Variants in ELMO1 observed in about 807,000 individuals in gnomAD.
ELMO1 encodes the protein engulfment and cell motility 1.
Under a neutral mutation model 98.9 loss-of-function variants are expected in ELMO1, and 26 were observed. The observed-to-expected ratio is 0.26, with a 90% CI of 0.19 to 0.36. ELMO1 has a LOEUF of 0.36. ELMO1 is among the 10% of genes least tolerant of loss of function. ELMO1 has a pLI of 1.00. For missense variants in ELMO1, 627 were observed against 935.2 expected (o/e 0.67, Z 4.30); for synonymous variants, 346 against 346.0 (o/e 1.00, Z 0.00).
intron 13 of ELMO1, among the ~76,000 whole-genome samples, chr7:37,148,436 T>TA (rs1401349322): frequency 2.0e-5 from 3 of 152,208 alleles, no homozygotes; most frequent in African/African-American, 7.2e-5. Context: ...GCCAGGTATG[T>TA]AATTCATGAA....
chr7:37,064,230 A>G (rs966901404), intron 15 of ELMO1, among the ~76,000 whole-genome samples: 3 of 151,986 alleles, frequency 2.0e-5, no homozygotes, highest in Admixed American at 6.6e-5. Flanking sequence ...CATTTCATAA[A>G]TTTTCTACTG....
chr7:36,957,478 T>A (rs1788564587), intron 16 of ELMO1, among the ~76,000 whole-genome samples: 1 of 152,184 alleles, frequency 6.6e-6, no homozygotes, highest in Non-Finnish European at 1.5e-5. Context: ...TACCCTTCCC[T>A]CTCTTTATCA....
At chr7:37,297,975 T>A (rs1439666015) in intron 4 of ELMO1, among the ~76,000 whole-genome samples, 1 of 152,200 alleles carries the variant, frequency 6.6e-6, no homozygotes, top group Non-Finnish European at 1.5e-5. Context: ...GCCATTGGTT[T>A]TCTCTAAGTA....
At chr7:37,240,863 AT>A in intron 7 of ELMO1, among the ~76,000 whole-genome samples, 1 of 152,160 alleles carries the variant, frequency 6.6e-6, no homozygotes, top group African/African-American at 2.4e-5. Flanking sequence ...TCATTTGAAA[AT>A]TCTTGAGCCT....
At chr7:37,133,031 T>G in intron 14 of ELMO1, 99 bp downstream of exon 14, 1 of 726,838 alleles carries the variant, frequency 1.4e-6, no homozygotes, top group African/African-American at 1.8e-5. Context: ...ACAGAAAATA[T>G]GGGGTCACTC....
chr7:37,035,846 C>A (rs1212382373), intron 15 of ELMO1, among the ~76,000 whole-genome samples: 3 of 152,220 alleles, frequency 2.0e-5, no homozygotes, highest in Admixed American at 1.3e-4. Flanking sequence ...TAAGCAGATA[C>A]TTGCAACATT....
chr7:37,293,715 TAA>T (rs35978411), intron 4 of ELMO1, among the ~76,000 whole-genome samples: 3 of 65,590 alleles, frequency 4.6e-5, no homozygotes, highest in South Asian at 4.4e-4. Context: ...GAATGATCAA[TAA>T]AAAAAAAAAT....
chr7:37,013,240 T>A (rs950711797), intron 16 of ELMO1, 59 bp downstream of exon 16: 8 of 1,595,800 alleles, frequency 5.0e-6, no homozygotes, highest in Non-Finnish European at 6.9e-6. Flanking sequence ...CAAGGGACCA[T>A]GCAGCAGGCC....
intron 16 of ELMO1, among the ~76,000 whole-genome samples, chr7:36,993,146 A>C (rs1791982779): frequency 1.3e-5 from 2 of 152,122 alleles, no homozygotes; most frequent in African/African-American, 4.8e-5. Flanking sequence ...CATGTTCTGA[A>C]GGGGGTGGAC....
chr7:37,012,159 T>A (rs560518562), intron 16 of ELMO1, among the ~76,000 whole-genome samples: 1 of 152,314 alleles, frequency 6.6e-6, no homozygotes, highest in African/African-American at 2.4e-5. Context: ...GTGAGATCAC[T>A]GTGCTGAGGA....
chr7:36,977,068 G>C (rs1395430061), intron 16 of ELMO1, among the ~76,000 whole-genome samples: 1 of 152,170 alleles, frequency 6.6e-6, no homozygotes, highest in Non-Finnish European at 1.5e-5. Context: ...TATAAAAGGG[G>C]ATAAAATGCC....
chr7:37,326,718 T>C (rs1799838960), intron 2 of ELMO1, among the ~76,000 whole-genome samples: 1 of 152,202 alleles, frequency 6.6e-6, no homozygotes, highest in Non-Finnish European at 1.5e-5. Flanking sequence ...GTACAGTCTT[T>C]CTGTCATAAA....
chr7:36,973,827 C>T (rs1397215883), intron 16 of ELMO1, among the ~76,000 whole-genome samples: 3 of 152,214 alleles, frequency 2.0e-5, no homozygotes, highest in African/African-American at 2.4e-5. Context: ...CTTGGCGGCC[C>T]GCACTCGGAG....
intron 11 of ELMO1, among the ~76,000 whole-genome samples, chr7:37,214,468 A>G (rs1444849443): frequency 6.6e-6 from 1 of 152,218 alleles, no homozygotes; most frequent in Middle Eastern, 3.4e-3. Flanking sequence ...GGATTGGAGG[A>G]AGTCTAGGTC....
intron 15 of ELMO1, among the ~76,000 whole-genome samples, chr7:37,021,092 AAC>A (rs141193674): frequency 0.019 from 2,884 of 152,272 alleles, 44 homozygotes; most frequent in Non-Finnish European, 0.029. Flanking sequence ...GGTATTCCTT[AAC>A]AGTTTGATTT....
chr7:37,278,997 C>G (rs182160202), intron 4 of ELMO1, among the ~76,000 whole-genome samples: 2 of 151,912 alleles, frequency 1.3e-5, no homozygotes, highest in Non-Finnish European at 2.9e-5. Context: ...GTCAGGAGTT[C>G]GAGAGCAGCC....
At chr7:37,438,203 A>C (rs948446193) in intron 1 of ELMO1, among the ~76,000 whole-genome samples, 1 of 152,154 alleles carries the variant, frequency 6.6e-6, no homozygotes, top group Non-Finnish European at 1.5e-5. Flanking sequence ...CTTTAGGAGC[A>C]GTTACCTAGG....
chr7:37,336,039 C>T (rs544370982), intron 2 of ELMO1, among the ~76,000 whole-genome samples: 23 of 152,092 alleles, frequency 1.5e-4, no homozygotes, highest in South Asian at 8.3e-4. Context: ...CCAGCCTGGG[C>T]AACATGGCAA....
chr7:37,179,504 C>G (rs1584770738), intron 13 of ELMO1, among the ~76,000 whole-genome samples: 1 of 152,088 alleles, frequency 6.6e-6, no homozygotes, highest in Non-Finnish European at 1.5e-5. Flanking sequence ...GTCTCGACCT[C>G]CTGACCTTGT....
Sources: gnomAD v4.1 joint callset for allele counts (sites outside exome capture counted in the v4.1 genomes callset) on GRCh38, gnomAD v4.1.1 for gene constraint, MANE v1.5 for transcripts, NCBI Gene and HGNC (gene_info 2026-07-23, HGNC 2026-07-21) for gene names.